Variants in GPR158 observed in about 807,000 individuals in gnomAD.
GPR158 encodes metabotropic glycine receptor.
A neutral mutation model predicts 78.2 loss-of-function variants in GPR158; 30 were observed. That is an observed-to-expected ratio of 0.38 (90% CI 0.29 to 0.52). GPR158 has a LOEUF of 0.52. Among genes scored for constraint, GPR158 ranks in the 20% least tolerant of loss-of-function variants. The probability of loss-of-function intolerance (pLI) is 0.83; values close to 1 mark genes in which losing one functional copy is unlikely to be tolerated. For synonymous variants in GPR158, 581 were observed against 591.1 expected (o/e 0.98, Z 0.25); for missense variants, 1,463 against 1,523.5 (o/e 0.96, Z 0.66).
intron 5 of GPR158, among the ~76,000 whole-genome samples, chr10:25,528,017 T>C (rs1361326473): frequency 1.3e-5 from 2 of 152,084 alleles, no homozygotes; most frequent in African/African-American, 4.8e-5. Context: ...ATACACATTT[T>C]CATATAAATA....
At chr10:25,410,477 G>A (rs546042364) in intron 3 of GPR158, among the ~76,000 whole-genome samples, 6 of 152,182 alleles carry the variant, frequency 3.9e-5, no homozygotes, top group African/African-American at 9.6e-5. Context: ...TTAGCCAGGC[G>A]TGGTGGCGCG....
At chr10:25,238,028 T>C (rs1357008796) in intron 2 of GPR158, among the ~76,000 whole-genome samples, 1 of 152,172 alleles carries the variant, frequency 6.6e-6, no homozygotes, top group East Asian at 1.9e-4. Flanking sequence ...CTCTCTTCCT[T>C]TTTTAAAAAA....
At chr10:25,348,336 T>G (rs1246866618) in intron 2 of GPR158, among the ~76,000 whole-genome samples, 1 of 150,098 alleles carries the variant, frequency 6.7e-6, no homozygotes, top group Non-Finnish European at 1.5e-5. Context: ...TAGAAAACAT[T>G]AAAGGCTATT....
rs1400971994 is a variant in GPR158 at position 25,516,849 on chromosome 10, T to C, written c.1405-34127T>C. ...TTTTGGCTTAGGATTGACTTGGCGA[T>C]GTGGGCTCTTTTTTGGTTCCATATG... On this transcript the variant is annotated intron_variant, in intron 5 of 10. Transcript: ENST00000376351. Among the ~76,000 whole-genome samples, 4 of 124,552 alleles carry C rather than the reference T, an allele frequency of 3.2e-5. No individual in the cohort carries two copies. The East Asian group carries it at 6.8e-4, about 21-fold the overall frequency. 81.7% of individuals were successfully genotyped at this position (124,552 alleles called of 152,430 possible).
chr10:25,450,781 A>C (rs190907528), intron 4 of GPR158, among the ~76,000 whole-genome samples: 1 of 152,244 alleles, frequency 6.6e-6, no homozygotes, highest in East Asian at 1.9e-4. Context: ...CTGTTGTACA[A>C]AATTAGCACA....
chr10:25,418,437 T>A (rs4433486), intron 4 of GPR158, among the ~76,000 whole-genome samples: 72,420 of 151,882 alleles, frequency 0.48, 19,318 homozygotes, highest in Non-Finnish European at 0.61. Flanking sequence ...GGAAACTAAT[T>A]ACACACATTT....
At chr10:25,482,604 C>A (rs1021624828) in intron 5 of GPR158, among the ~76,000 whole-genome samples, 2 of 152,090 alleles carry the variant, frequency 1.3e-5, no homozygotes, top group African/African-American at 4.8e-5. Context: ...AGCTATAACT[C>A]AGTTCTTGGG....
rs1372798387 is a variant in GPR158 at position 25,302,197 on chromosome 10, G to A, written c.1008+81040G>A. ...CGCCGTTCTCCTGCCTCAGCCTCCCGAGTAGCTGGGACTGCAGGTGCCTGC... is the reference window on the plus strand; with the variant it reads ...CGCCGTTCTCCTGCCTCAGCCTCCCAAGTAGCTGGGACTGCAGGTGCCTGC... On this transcript the variant is annotated intron_variant, in intron 2 of 10. Transcript: ENST00000376351. Among the ~76,000 whole-genome samples the A allele has an allele frequency of 2.7e-5, 4 of 150,078 alleles. No homozygotes were observed. In the East Asian group the frequency reaches 5.9e-4, roughly 22 times the overall value.
chr10:25,573,932 G>T (rs7094155), intron 7 of GPR158, among the ~76,000 whole-genome samples: 3,393 of 151,976 alleles, frequency 0.022, 54 homozygotes, highest in African/African-American at 0.038. Flanking sequence ...ATTATATTTT[G>T]GGTAATATAA....
chr10:25,552,140 A>G (rs1489285858), intron 6 of GPR158, among the ~76,000 whole-genome samples: 2 of 152,270 alleles, frequency 1.3e-5, no homozygotes, highest in Admixed American at 6.5e-5. Context: ...GTAAAGTACA[A>G]AGGATATTGG....
At chr10:25,359,083 T>C (rs368712875) in intron 2 of GPR158, among the ~76,000 whole-genome samples, 16 of 152,196 alleles carry the variant, frequency 1.1e-4, no homozygotes, top group East Asian at 7.8e-4. Flanking sequence ...TTATCATTGA[T>C]AAATTTTTAT....
At chr10:25,182,193 C>G (rs1852620052) in intron 1 of GPR158, among the ~76,000 whole-genome samples, 1 of 152,104 alleles carries the variant, frequency 6.6e-6, no homozygotes, top group Non-Finnish European at 1.5e-5. Context: ...AGTACATAAA[C>G]TAATAATGGA....
chr10:25,518,547 C>T (rs1389094435), intron 5 of GPR158, among the ~76,000 whole-genome samples: 5 of 70,790 alleles, frequency 7.1e-5, no homozygotes, highest in Middle Eastern at 4.9e-3. Context: ...GCTTTGAATG[C>T]GTCCCAGAGA....
chr10:25,314,335 A>G (rs1052809076), intron 2 of GPR158, among the ~76,000 whole-genome samples: 1 of 152,076 alleles, frequency 6.6e-6, no homozygotes, highest in African/African-American at 2.4e-5. Flanking sequence ...TCTTGACCTC[A>G]TGATCTGCCC....
chr10:25,524,703 A>C (rs1836325871), intron 5 of GPR158, among the ~76,000 whole-genome samples: 1 of 152,206 alleles, frequency 6.6e-6, no homozygotes, highest in South Asian at 2.1e-4. Context: ...ACATAGATAT[A>C]AATTTTTATG....
intron 7 of GPR158, among the ~76,000 whole-genome samples, chr10:25,577,513 T>A (rs1011138303): frequency 1.3e-5 from 2 of 152,332 alleles, no homozygotes; most frequent in Admixed American, 1.3e-4. Context: ...AATCCCTTTT[T>A]CAAAATAAAT....
chr10:25,215,272 A>C (rs1853193036), intron 1 of GPR158, among the ~76,000 whole-genome samples: 1 of 152,324 alleles, frequency 6.6e-6, no homozygotes, highest in East Asian at 1.9e-4. Flanking sequence ...ATGAAAAGAC[A>C]AATACTGTAT....
intron 4 of GPR158, among the ~76,000 whole-genome samples, chr10:25,435,064 A>T (rs188941721): frequency 2.0e-5 from 3 of 152,322 alleles, no homozygotes; most frequent in African/African-American, 7.2e-5. Context: ...TTGTTGAGCT[A>T]TCTAAGGATG....
At chr10:25,339,167 T>C (rs1285219096) in intron 2 of GPR158, among the ~76,000 whole-genome samples, 1 of 151,852 alleles carries the variant, frequency 6.6e-6, no homozygotes, top group Admixed American at 6.6e-5. Context: ...AAATTTATTT[T>C]ATACAGATGG....
Sources: gnomAD v4.1 joint callset for allele counts (sites outside exome capture counted in the v4.1 genomes callset) on GRCh38, gnomAD v4.1.1 for gene constraint, MANE v1.5 for transcripts, NCBI Gene and HGNC (gene_info 2026-07-23, HGNC 2026-07-21) for gene names.